ASIC5: variants seen among roughly 807,000 people sequenced by gnomAD.
ASIC5 encodes bile acid-sensitive ion channel.
ASIC5 carries 52 observed loss-of-function variants against 51.2 expected under a neutral mutation model. The ratio of observed to expected loss-of-function variants is 1.02; its 90% confidence interval spans 0.81 to 1.28. The LOEUF (loss-of-function observed/expected upper bound fraction) is 1.28. Ranked by LOEUF, ASIC5 falls within the 50% of genes most tolerant of loss-of-function variation. The probability of loss-of-function intolerance (pLI) is 0.00; values close to 1 mark genes in which losing one functional copy is unlikely to be tolerated. For missense variants in ASIC5, 635 were observed against 595.0 expected (o/e 1.07, Z -0.70); for synonymous variants, 231 against 200.7 (o/e 1.15, Z -1.28).
At chr4:155,857,164 C>A (rs181052158) in intron 2 of ASIC5, among the ~76,000 whole-genome samples, 79 of 152,086 alleles carry the variant, frequency 5.2e-4, no homozygotes, top group African/African-American at 1.8e-3. Context: ...CAATTTGTTG[C>A]CCAGGTTGGA....
At chr4:155,866,005 C>T (rs1418352837) in intron 1 of ASIC5, among the ~76,000 whole-genome samples, 182 bp downstream of exon 1, 1 of 152,158 alleles carries the variant, frequency 6.6e-6, no homozygotes, top group Admixed American at 6.5e-5. Flanking sequence ...TTGAGTCCCT[C>T]ATACAAATAA....
chr4:155,835,032 C>A (rs1017725922), intron 8 of ASIC5, among the ~76,000 whole-genome samples: 3 of 152,144 alleles, frequency 2.0e-5, no homozygotes, highest in African/African-American at 7.2e-5. Flanking sequence ...TCAATAAAAC[C>A]TTGCACCCAT....
At chr4:155,853,382 G>T (rs1741430295) in intron 3 of ASIC5, among the ~76,000 whole-genome samples, 1 of 151,872 alleles carries the variant, frequency 6.6e-6, no homozygotes, top group Admixed American at 6.6e-5. Context: ...ACAGGCTACA[G>T]AATTGCTGAT....
chr4:155,860,670 A>T (rs1347768942), intron 2 of ASIC5, among the ~76,000 whole-genome samples: 1 of 151,880 alleles, frequency 6.6e-6, no homozygotes, highest in East Asian at 1.9e-4. Flanking sequence ...AGCCTCTAAA[A>T]TATTAAATCT....
At position 155,831,866 on chromosome 4, in the gene ASIC5, T is replaced by C; in HGVS notation, c.1285A>G (p.Ile429Val). 1 of 1,609,786 alleles carries C rather than the reference T, an allele frequency of 6.2e-7. No individual in the cohort carries two copies. The highest frequency in any genetic ancestry group is 8.5e-7 in the Non-Finnish European group (1 of 1,176,438). ...CTCACCGCCTTTTGCTGCTGGGTTA[T>C]CTTATAGTTTAGGTCACTATAGTTA... ...EINYSDLNYK[I>V]TQQQKAVSVS... Residue 429 changes from isoleucine (I) to valine (V), a missense_variant, in exon 9 of 10, where the codon ATA becomes GTA. Ile to Val is a conservative substitution (Grantham distance 29). Coordinates refer to ENST00000537611, the MANE Select transcript of ASIC5 (RefSeq NM_017419.3).
intron 8 of ASIC5, among the ~76,000 whole-genome samples, chr4:155,832,525 T>C (rs533137551): frequency 1.1e-4 from 16 of 152,208 alleles, no homozygotes; most frequent in Non-Finnish European, 1.6e-4. Context: ...AAAATGATAC[T>C]AATAGCTCGT....
intron 6 of ASIC5, among the ~76,000 whole-genome samples, 166 bp from the exon 7 acceptor site, chr4:155,839,035 AG>A (rs1741058157): frequency 6.6e-6 from 1 of 152,188 alleles, no homozygotes; most frequent in Non-Finnish European, 1.5e-5. Flanking sequence ...GAATCAAGTT[AG>A]TATCCAGTGA....
At chr4:155,841,083 G>T (rs973563619) in intron 6 of ASIC5, among the ~76,000 whole-genome samples, 6 of 152,078 alleles carry the variant, frequency 3.9e-5, no homozygotes, top group Non-Finnish European at 7.4e-5. Flanking sequence ...TACTCAGGGA[G>T]ACTGATTTGA....
At chr4:155,832,089 G>A (rs1384440860) in intron 8 of ASIC5, among the ~76,000 whole-genome samples, 174 bp from the exon 9 acceptor site, 4 of 152,114 alleles carry the variant, frequency 2.6e-5, no homozygotes, top group African/African-American at 4.8e-5. Flanking sequence ...TGTCATGTTG[G>A]TTTTTAAGAA....
At chr4:155,838,207 A>G (rs1450715967) in intron 7 of ASIC5, among the ~76,000 whole-genome samples, 1 of 152,178 alleles carries the variant, frequency 6.6e-6, no homozygotes, top group East Asian at 1.9e-4. Context: ...ACAACCAATG[A>G]CTTCACGTGA....
intron 7 of ASIC5, among the ~76,000 whole-genome samples, chr4:155,837,787 A>C (rs1454008449): frequency 6.6e-6 from 1 of 151,892 alleles, no homozygotes; most frequent in Non-Finnish European, 1.5e-5. Flanking sequence ...TCACATGCAC[A>C]TACTCTCACA....
chr4:155,853,306 A>G (rs1298696457), intron 3 of ASIC5, among the ~76,000 whole-genome samples: 1 of 151,988 alleles, frequency 6.6e-6, no homozygotes, highest in East Asian at 1.9e-4. Flanking sequence ...AAGGCGGCCT[A>G]CCAAAAACAT....
intron 4 of ASIC5, among the ~76,000 whole-genome samples, chr4:155,848,485 C>T (rs763204809): frequency 6.6e-6 from 1 of 151,862 alleles, no homozygotes; most frequent in Non-Finnish European, 1.5e-5. Flanking sequence ...ATGGAAAGGC[C>T]TGTAATTCTG....
intron 8 of ASIC5, among the ~76,000 whole-genome samples, chr4:155,836,189 A>T (rs1245115228): frequency 1.3e-5 from 2 of 152,220 alleles, no homozygotes; most frequent in Non-Finnish European, 2.9e-5. Flanking sequence ...AGTTGCAAAG[A>T]CATGGGGACC....
Position 155,829,735 on chromosome 4 carries a change from T to C in ASIC5, c.*121A>G, listed in dbSNP as rs1417915754. On this transcript the variant is annotated 3_prime_UTR_variant, in exon 10 of 10. Transcript: ENST00000537611. ...ATAGAAAGAAATATATATGAAGAGATACATATCTTTAATGGCTTTTATCGA... is the reference window on the plus strand; with the variant it reads ...ATAGAAAGAAATATATATGAAGAGACACATATCTTTAATGGCTTTTATCGA... The C allele has an allele frequency of 1.1e-5, 6 of 553,518 alleles. No homozygotes were observed. The highest frequency in any genetic ancestry group is 1.9e-5 in the Non-Finnish European group (6 of 322,388). 34.3% of individuals were successfully genotyped at this position (553,518 alleles called of 1,614,324 possible).
chr4:155,863,978 G>A (rs1370433659), intron 1 of ASIC5, among the ~76,000 whole-genome samples: 1 of 152,156 alleles, frequency 6.6e-6, no homozygotes, highest in Non-Finnish European at 1.5e-5. Flanking sequence ...GCTATTCATA[G>A]AACGGCTATT....
intron 1 of ASIC5, chr4:155,865,242 T>C (rs1741832316): frequency 6.6e-6 from 1 of 152,048 alleles, no homozygotes; most frequent in Non-Finnish European, 1.5e-5. Flanking sequence ...AATCTTAGAA[T>C]AGCACCGTTA....
At chr4:155,863,418 A>T (rs1167958307) in intron 2 of ASIC5, 30 bp downstream of exon 2, 10 of 1,528,762 alleles carry the variant, frequency 6.5e-6, no homozygotes, top group African/African-American at 1.4e-5. Flanking sequence ...ATTTATAGGA[A>T]CTAATTATTT....
Position 155,866,177 on chromosome 4 carries a change from C to G in ASIC5, c.40+10G>C, listed in dbSNP as rs1741858745. On this transcript the variant is annotated intron_variant, in intron 1 of 9. Transcript: ENST00000537611. ...ATATTACTGCTCTGAGGAGTTCACT[C>G]TTTACTCACCGTTCTCAGCATATAC... 6.3e-7 allele frequency: 1 copy of G among 1,579,736 alleles called. No homozygotes were observed. Among genetic ancestry groups the G allele is most frequent in the African/African-American group, 1.3e-5 (1 of 74,322 alleles).
Sources: gnomAD v4.1 joint callset for allele counts (sites outside exome capture counted in the v4.1 genomes callset) on GRCh38, gnomAD v4.1.1 for gene constraint, MANE v1.5 for transcripts, NCBI Gene and HGNC (gene_info 2026-07-23, HGNC 2026-07-21) for gene names.